ZNF609: variants seen among roughly 807,000 people sequenced by gnomAD.
The protein encoded by ZNF609 is zinc finger protein 609.
ZNF609 carries 11 observed loss-of-function variants against 109.5 expected under a neutral mutation model. The ratio of observed to expected loss-of-function variants is 0.10; its 90% CI spans 0.06 to 0.17. The LOEUF is 0.17. ZNF609 is among the 10% of genes least tolerant of loss of function. ZNF609 has a pLI of 1.00. For missense variants in ZNF609, 1,559 were observed against 1,772.4 expected, an observed-to-expected ratio of 0.88 and a Z score of 2.16; for synonymous variants, 646 against 662.0, an observed-to-expected ratio of 0.98 and a Z score of 0.37.
chr15:64,528,811 G>A, intron 2 of ZNF609: 1 of 827,350 alleles, frequency 1.2e-6, no homozygotes, highest in Non-Finnish European at 2.1e-6. Context: ...AGTGGGTGTT[G>A]CTGTTGAAGT....
At chr15:64,537,441 C>T (rs986114605) in intron 2 of ZNF609, among the ~76,000 whole-genome samples, 13 of 146,848 alleles carry the variant, frequency 8.9e-5, no homozygotes, top group Non-Finnish European at 1.3e-4. Flanking sequence ...GCGGAGCTTG[C>T]GGTGAGCCGG....
At chr15:64,606,201 C>T (rs1053764065) in intron 2 of ZNF609, among the ~76,000 whole-genome samples, 22 of 151,452 alleles carry the variant, frequency 1.5e-4, no homozygotes, top group Non-Finnish European at 2.4e-4. Flanking sequence ...GCAGCCTCAA[C>T]CTCCTGGGCT....
intron 2 of ZNF609, among the ~76,000 whole-genome samples, chr15:64,526,121 T>TA (rs58240274): frequency 6.6e-6 from 1 of 150,940 alleles, no homozygotes; most frequent in Non-Finnish European, 1.5e-5. Flanking sequence ...TTTTTTTTTT[T>TA]AAGCCAGTCA....
Position 64,678,491 on chromosome 15 carries a change from C to G in ZNF609, c.3769+9C>G. The G allele has an allele frequency of 6.4e-7, 1 of 1,559,418 alleles. No individual in the cohort carries two copies. Among genetic ancestry groups the G allele is most frequent in the Non-Finnish European group, 8.7e-7 (1 of 1,152,904 alleles). The stretch of plus-strand genomic sequence containing the variant: ...GATGCAGAACTACCCAGGTACAGCA[C>G]CAAGTGCCAGCACTATTCCATTCAC... On this transcript the variant is annotated intron_variant, in intron 6 of 9. Coordinates refer to ENST00000326648, the MANE Select transcript of ZNF609 (RefSeq NM_015042.2).
At chr15:64,593,164 T>C in intron 2 of ZNF609, 1 of 1,548,886 alleles carries the variant, frequency 6.5e-7, no homozygotes, top group Non-Finnish European at 8.8e-7. Context: ...TCGATGCCTA[T>C]GTGCTTCCCA....
intron 2 of ZNF609, among the ~76,000 whole-genome samples, chr15:64,591,753 GGTCT>G (rs1245356371): frequency 6.6e-6 from 1 of 150,450 alleles, no homozygotes; most frequent in Admixed American, 6.6e-5. Context: ...ACAGAGTCTT[GGTCT>G]GTCACTAGGC....
Position 64,674,604 on chromosome 15 carries a change from A to G in ZNF609, c.1750A>G (p.Ser584Gly). 6.2e-7 allele frequency: 1 copy of G among 1,614,154 alleles called. No homozygotes were observed. Among genetic ancestry groups the G allele is most frequent in the Non-Finnish European group, 8.5e-7 (1 of 1,180,042 alleles). ...PHSPSPSSKF[S>G]TKGLCKKKLS... ...TAGCCCTTCTCCTTCAAGCAAATTC[A>G]GCACAAAAGGCCTCTGTAAGAAAAA... Residue 584 changes from serine (S) to glycine (G), a missense_variant, in exon 5 of 10, where the codon AGC becomes GGC. This residue lies in a region of ZNF609 where 1,204 missense variants were observed against 1,314.1 expected (regional missense o/e 0.92). Coordinates refer to ENST00000326648, the MANE Select transcript of ZNF609 (RefSeq NM_015042.2).
Position 64,471,794 on chromosome 15 carries a change from G to A in ZNF609, c.-128+10956G>A, listed in dbSNP as rs148463183. Among the ~76,000 whole-genome samples the A allele has an allele frequency of 3.3e-5, 5 of 152,162 alleles. No individual in the cohort carries two copies. The East Asian group carries it at 9.7e-4, about 29-fold the overall frequency. On this transcript the variant is annotated intron_variant, in intron 1 of 9. Coordinates refer to ENST00000326648, the MANE Select transcript of ZNF609 (RefSeq NM_015042.2). ...GATGGGGTTTCTCCATGTTGGTCTGGCTGGTCTCGAACTCCCAAACTTAGG... is the reference window on the plus strand; with the variant it reads ...GATGGGGTTTCTCCATGTTGGTCTGACTGGTCTCGAACTCCCAAACTTAGG...
chr15:64,523,148 A>T (rs921895874), intron 2 of ZNF609, among the ~76,000 whole-genome samples: 9 of 152,204 alleles, frequency 5.9e-5, no homozygotes, highest in Non-Finnish European at 5.9e-5. Context: ...ATCTTCCTTA[A>T]CATACCATAC....
At chr15:64,531,059 A>G (rs962573038) in intron 2 of ZNF609, among the ~76,000 whole-genome samples, 4 of 152,204 alleles carry the variant, frequency 2.6e-5, no homozygotes, top group African/African-American at 9.6e-5. Context: ...CTTAACATAC[A>G]TGTACTGCAT....
chr15:64,637,377 A>G (rs899950461), intron 3 of ZNF609, among the ~76,000 whole-genome samples: 3 of 152,214 alleles, frequency 2.0e-5, no homozygotes, highest in Admixed American at 6.5e-5. Flanking sequence ...TTGGGACTAT[A>G]TATACATATT....
intron 1 of ZNF609, among the ~76,000 whole-genome samples, chr15:64,498,950 G>A (rs1447550493): frequency 6.6e-6 from 1 of 152,158 alleles, no homozygotes; most frequent in Non-Finnish European, 1.5e-5. Context: ...TCTGTGATAT[G>A]CCAGGACCTG....
At chr15:64,553,471 A>G (rs1894520464) in intron 2 of ZNF609, among the ~76,000 whole-genome samples, 1 of 151,732 alleles carries the variant, frequency 6.6e-6, no homozygotes, top group African/African-American at 2.4e-5. Flanking sequence ...AGTATTTCAT[A>G]CTTTACTATT....
chr15:64,649,814 CT>C (rs1236210566), intron 3 of ZNF609, among the ~76,000 whole-genome samples: 1 of 152,144 alleles, frequency 6.6e-6, no homozygotes, highest in African/African-American at 2.4e-5. Flanking sequence ...TCTTCTTTCC[CT>C]GTCCCTAGCC....
intron 1 of ZNF609, among the ~76,000 whole-genome samples, chr15:64,496,057 G>A (rs2140347933): frequency 6.6e-6 from 1 of 152,152 alleles, no homozygotes; most frequent in African/African-American, 2.4e-5. Flanking sequence ...GACCTCAAGT[G>A]ATCCTCCTGC....
rs1567036319 is a variant in ZNF609 at position 64,638,017 on chromosome 15, A to ATATAT, written c.973+14965_973+14966insTATAT. On this transcript the variant is annotated intron_variant, in intron 3 of 9. Coordinates refer to ENST00000326648, the MANE Select transcript of ZNF609 (RefSeq NM_015042.2). ...TTTTATATATATATATATATATATA[A>ATATAT]AATATATATAAAAATACATATATAT... Among the ~76,000 whole-genome samples the ATATAT allele has an allele frequency of 4.5e-5, 4 of 88,204 alleles. No individual in the cohort carries two copies. In the East Asian group the frequency reaches 1.4e-3, roughly 32 times the overall value. 57.9% of individuals were successfully genotyped at this position (88,204 alleles called of 152,430 possible).
In ZNF609 at chr15:64,543,766, A is replaced by G. The variant is rs540677267; in HGVS notation, c.747+43600A>G. On this transcript the variant is annotated intron_variant, in intron 2 of 9. Transcript: ENST00000326648. ...GCCTCTCTGCCTTTTTAAATCAAAA[A>G]CTAGTTCTATTTTAAGAAGCAATCA... is the stretch of plus-strand genomic sequence containing the variant. 2.0e-5 allele frequency among the ~76,000 whole-genome samples: 3 copies of G among 152,126 alleles called. No homozygotes were observed. The East Asian group carries it at 5.8e-4, about 29-fold the overall frequency.
At position 64,491,732 on chromosome 15, in the gene ZNF609, C is replaced by G. The variant is rs765336532; in HGVS notation, c.-127-7561C>G. ...TATGGTGGCGCCCCTCCAATCCCAG[C>G]TACTCGGGAGGCTGAGGCAGAAGAA... On this transcript the variant is annotated intron_variant, in intron 1 of 9. Transcript: ENST00000326648. 8.5e-5 allele frequency among the ~76,000 whole-genome samples: 13 copies of G among 152,216 alleles called. 1 individual carries two copies. Among genetic ancestry groups the G allele is most frequent in the Middle Eastern group, 3.4e-3 (1 of 294 alleles).
At chr15:64,495,383 G>T (rs924450399) in intron 1 of ZNF609, among the ~76,000 whole-genome samples, 1 of 151,768 alleles carries the variant, frequency 6.6e-6, no homozygotes, top group Non-Finnish European at 1.5e-5. Flanking sequence ...ATTTCAGGTA[G>T]TTTTTTTTGT....
Sources: gnomAD v4.1 joint callset for allele counts (sites outside exome capture counted in the v4.1 genomes callset) on GRCh38, gnomAD v4.1.1 for gene constraint, gnomAD v4.1.1 regional missense constraint, MANE v1.5 for transcripts, NCBI Gene and HGNC (gene_info 2026-07-23, HGNC 2026-07-21) for gene names.